Variants in TMEM26 observed in about 807,000 individuals in gnomAD.
The protein encoded by TMEM26 is transmembrane protein 26.
In TMEM26, 38 loss-of-function variants were observed where a neutral mutation model predicts 28.8. That is an observed-to-expected ratio of 1.32 (90% confidence interval 1.02 to 1.73). The LOEUF (loss-of-function observed/expected upper bound fraction) is 1.73, where lower values mean the gene tolerates loss of function less well. TMEM26 is among the 40% of genes most tolerant of loss of function. The probability of loss-of-function intolerance (pLI) is 0.00; values close to 1 mark genes in which losing one functional copy is unlikely to be tolerated. For synonymous variants in TMEM26, 227 were observed against 182.9 expected, an observed-to-expected ratio of 1.24 and a Z score of -1.95; for missense variants, 518 against 447.1, an observed-to-expected ratio of 1.16 and a Z score of -1.43.
chr10:61,408,988 C>A lies in TMEM26; in HGVS notation c.*1334G>T, dbSNP rs1839529983. On this transcript the variant is annotated 3_prime_UTR_variant, in exon 6 of 6. Coordinates refer to ENST00000399298, the MANE Select transcript of TMEM26 (RefSeq NM_178505.8). ...CATACCAAATTAAGGGCATACCCCA[C>A]CTTAAATGTCCCTTTGAATTCTCGA... 1.3e-5 allele frequency: 2 copies of A among 152,160 alleles called. No homozygotes were observed. 9.4% of individuals were successfully genotyped at this position (152,160 alleles called of 1,614,324 possible). A position where few individuals can be genotyped will look rare whatever the true frequency, so the allele number is the denominator to read the frequency against.
In TMEM26 at chr10:61,408,116, G is replaced by A. The variant is rs1409202514; in HGVS notation, c.*2206C>T. The A allele has an allele frequency of 6.6e-6, 1 of 152,082 alleles. No homozygotes were observed. The highest frequency in any genetic ancestry group is 1.5e-5 in the Non-Finnish European group (1 of 68,020). The allele number at this position is 152,082 out of a possible 1,614,324, so 9.4% of individuals were successfully genotyped here. On this transcript the variant is annotated 3_prime_UTR_variant, in exon 6 of 6. Transcript: ENST00000399298. ...AAAAGCAGCCAGTATAAGAGAGTAG[G>A]AGTACTGGCAGCTAGGTTAACAAAT...
At chr10:61,430,938 A>G (rs1839911011) in intron 3 of TMEM26, among the ~76,000 whole-genome samples, 1 of 152,062 alleles carries the variant, frequency 6.6e-6, no homozygotes, top group South Asian at 2.1e-4. Context: ...TCATAAATGT[A>G]TATGTCTCTC....
At chr10:61,446,455 T>C (rs534434470) in intron 1 of TMEM26, among the ~76,000 whole-genome samples, 17 of 152,182 alleles carry the variant, frequency 1.1e-4, no homozygotes, top group African/African-American at 3.9e-4. Flanking sequence ...TTTGGTTTCC[T>C]AGTCCATATA....
intron 4 of TMEM26, among the ~76,000 whole-genome samples, chr10:61,421,255 A>G (rs1258450062): frequency 6.6e-6 from 1 of 152,116 alleles, no homozygotes; most frequent in Non-Finnish European, 1.5e-5. Context: ...TGCTCATATA[A>G]CCACTCCCAC....
Position 61,407,339 on chromosome 10 carries a change from A to T in TMEM26, c.*2983T>A, listed in dbSNP as rs1049569694. The stretch of plus-strand genomic sequence containing the variant: ...ATCTATATGGTTCTATAAGGTCTGA[A>T]GTGCTATTTGTTAGTGGAACTACAA... On this transcript the variant is annotated 3_prime_UTR_variant, in exon 6 of 6. Transcript: ENST00000399298. 1 of 152,172 alleles carries T rather than the reference A, an allele frequency of 6.6e-6. No homozygotes were observed. Among genetic ancestry groups the T allele is most frequent in the Non-Finnish European group, 1.5e-5 (1 of 68,036 alleles). The allele number at this position is 152,172 out of a possible 1,614,324, so 9.4% of individuals were successfully genotyped here. A position where few individuals can be genotyped will look rare whatever the true frequency, so the allele number is the denominator to read the frequency against.
At position 61,428,294 on chromosome 10, in the gene TMEM26, G is replaced by A. The variant is rs1055717939; in HGVS notation, c.605+632C>T. Among the ~76,000 whole-genome samples, 3 of 152,072 alleles carry A rather than the reference G, an allele frequency of 2.0e-5. No homozygotes were observed. In the East Asian group the frequency reaches 5.8e-4, roughly 29 times the overall value. On this transcript the variant is annotated intron_variant, in intron 4 of 5. Transcript: ENST00000399298. ...AAACAGATGTGATCATGGATTCTGA[G>A]TTTATTTGCTTGTGGCAAAAATAAA...
At chr10:61,452,473 G>A (rs1334402452) in intron 1 of TMEM26, among the ~76,000 whole-genome samples, 1 of 152,172 alleles carries the variant, frequency 6.6e-6, no homozygotes, top group African/African-American at 2.4e-5. Context: ...CCCAGCGAAG[G>A]ACATTCCCAC....
chr10:61,431,257 T>C lies in TMEM26; in HGVS notation c.346A>G (p.Asn116Asp), dbSNP rs1839917527. The C allele has an allele frequency of 1.2e-6, 2 of 1,613,208 alleles. No individual in the cohort carries two copies. Among genetic ancestry groups the C allele is most frequent in the Non-Finnish European group, 1.7e-6 (2 of 1,179,356 alleles). Residue 116 changes from asparagine (N) to aspartate (D), a missense_variant, in exon 3 of 6, where the codon AAT (asparagine) becomes GAT (aspartate). Asn to Asp is a conservative substitution (Grantham distance 23, BLOSUM62 1). Coordinates refer to ENST00000399298, the MANE Select transcript of TMEM26 (RefSeq NM_178505.8). ...KEDFNQTLTS[N>D]EQTSRADDLI... The stretch of plus-strand genomic sequence containing the variant: ...TCATCAGCTCTACTGGTTTGTTCAT[T>C]GGATGTCAATGTTTGATTGAAGTCT...
intron 1 of TMEM26, among the ~76,000 whole-genome samples, chr10:61,445,379 C>T (rs1030725345): frequency 2.6e-5 from 4 of 152,194 alleles, no homozygotes; most frequent in Non-Finnish European, 1.5e-5. Context: ...TCCAGGGCTA[C>T]AGCAGCACTG....
chr10:61,413,559 A>T, intron 4 of TMEM26, 24 bp from the exon 5 acceptor site: 1 of 1,580,022 alleles, frequency 6.3e-7, no homozygotes, highest in Non-Finnish European at 8.6e-7. Context: ...AAAATGTTAA[A>T]TTTGTAATAA....
At chr10:61,412,730 G>T (rs572408015) in intron 5 of TMEM26, among the ~76,000 whole-genome samples, 1 of 152,160 alleles carries the variant, frequency 6.6e-6, no homozygotes, top group South Asian at 2.1e-4. Flanking sequence ...GCACTTGAAA[G>T]GTGGCTAGTA....
chr10:61,435,430 C>T (rs1048413529), intron 2 of TMEM26, among the ~76,000 whole-genome samples: 6 of 152,150 alleles, frequency 3.9e-5, no homozygotes, highest in Non-Finnish European at 8.8e-5. Context: ...CCACCCGCTT[C>T]GGCCTCCCAA....
intron 4 of TMEM26, among the ~76,000 whole-genome samples, chr10:61,427,879 G>A (rs1200519348): frequency 2.0e-5 from 3 of 152,082 alleles, no homozygotes; most frequent in African/African-American, 7.2e-5. Flanking sequence ...GTAAAGCACT[G>A]ATCATACTTA....
chr10:61,408,620 C>G lies in TMEM26; in HGVS notation c.*1702G>C, dbSNP rs1839524857. The G allele has an allele frequency of 6.6e-6, 1 of 152,176 alleles. No homozygotes were observed. The highest frequency in any genetic ancestry group is 2.4e-5 in the African/African-American group (1 of 41,456). The allele number at this position is 152,176 out of a possible 1,614,324, so 9.4% of individuals were successfully genotyped here. A position where few individuals can be genotyped will look rare whatever the true frequency, so the allele number is the denominator to read the frequency against. ...TATTATTTTGCTTTCAACTGCTGAG[C>G]ACTTCAAATAACATGCCCTTAAAAG... On this transcript the variant is annotated 3_prime_UTR_variant, in exon 6 of 6. Coordinates refer to ENST00000399298, the MANE Select transcript of TMEM26 (RefSeq NM_178505.8).
rs1373171223 is a variant in TMEM26, at chr10:61,407,219, C to A, written c.*3103G>T. 2.6e-5 allele frequency: 4 copies of A among 152,138 alleles called. No individual in the cohort carries two copies. The highest frequency in any genetic ancestry group is 1.5e-5 in the Non-Finnish European group (1 of 68,014). 9.4% of individuals were successfully genotyped at this position (152,138 alleles called of 1,614,324 possible). ...AGAAATCTTAAAGCATGTGCACCTA[C>A]AAATGCATGCCTTTCCAGAGCTTTG... On this transcript the variant is annotated 3_prime_UTR_variant, in exon 6 of 6. Transcript: ENST00000399298.
Position 61,436,172 on chromosome 10 carries a change from G to A in TMEM26, c.268C>T (p.Gln90Ter). The A allele has an allele frequency of 6.3e-7, 1 of 1,592,224 alleles. No homozygotes were observed. Among genetic ancestry groups the A allele is most frequent in the Non-Finnish European group, 8.6e-7 (1 of 1,162,932 alleles). Reference sequence around the variant, plus strand: ...TCCTACTTTCCAAAAAGAAGTACCTGGGTCTCATGGTGCAATTCAAGAAGC... The same window carrying A: ...TCCTACTTTCCAAAAAGAAGTACCTAGGTCTCATGGTGCAATTCAAGAAGC... ...LWLLELHHET[Q>*]YCSIQAEGTS... The change falls in exon 2 of 6, where the codon CAG (glutamine) becomes TAG (stop). Residue 90 changes from glutamine (Q) to a stop codon, truncating the protein, a stop_gained and splice_region_variant. Transcript: ENST00000399298. LOFTEE classifies it high-confidence loss of function.
At chr10:61,425,817 C>A (rs1016695702) in intron 4 of TMEM26, among the ~76,000 whole-genome samples, 1 of 152,058 alleles carries the variant, frequency 6.6e-6, no homozygotes, top group Non-Finnish European at 1.5e-5. Context: ...GCAGAGAAAA[C>A]GGAATCCTCA....
chr10:61,431,515 T>C (rs1320822679), intron 2 of TMEM26, among the ~76,000 whole-genome samples, 183 bp from the exon 3 acceptor site: 1 of 152,138 alleles, frequency 6.6e-6, no homozygotes. Flanking sequence ...TTAATCAATA[T>C]GAAAAGAATG....
chr10:61,429,605 T>G (rs1032270562), intron 3 of TMEM26, among the ~76,000 whole-genome samples: 5 of 152,078 alleles, frequency 3.3e-5, no homozygotes, highest in Admixed American at 1.3e-4. Context: ...CTTCTCTTTG[T>G]TTTTTTGCTT....
Sources: allele counts gnomAD v4.1 joint callset (sites outside exome capture counted in the v4.1 genomes callset), GRCh38; gene constraint gnomAD v4.1.1; transcripts MANE v1.5; gene names NCBI Gene and HGNC (gene_info 2026-07-23, HGNC 2026-07-21).